The following NUP98 variants were observed in gnomAD, a reference collection of about 807,000 sequenced individuals.
The protein encoded by NUP98 is nucleoporin 98 and 96 precursor.
Under a neutral mutation model 191.9 loss-of-function variants are expected in NUP98, and 26 were observed. That is an observed-to-expected ratio of 0.14 (90% CI 0.10 to 0.19). The LOEUF (loss-of-function observed/expected upper bound fraction) is 0.19, where lower values mean the gene tolerates loss of function less well. Ranked by LOEUF, NUP98 falls within the 10% of genes least tolerant of loss-of-function variation. NUP98 has a pLI of 1.00. For missense variants in NUP98, 1,941 were observed against 2,178.8 expected (o/e 0.89, Z 2.17); for synonymous variants, 808 against 778.4 (o/e 1.04, Z -0.63).
At chr11:3,747,076 G>T (rs1229979333) in intron 11 of NUP98, among the ~76,000 whole-genome samples, 1 of 152,052 alleles carries the variant, frequency 6.6e-6, no homozygotes, top group Non-Finnish European at 1.5e-5. Context: ...AAGAAGTAAT[G>T]GTCCACAATT....
intron 12 of NUP98, among the ~76,000 whole-genome samples, chr11:3,737,321 CAAAAAAAA>C (rs34718372): frequency 8.9e-6 from 1 of 111,968 alleles, no homozygotes; most frequent in Non-Finnish European, 1.8e-5. Context: ...GCAGTAATAA[CAAAAAAAA>C]AAAAAAAAAA....
At chr11:3,695,972 A>G (rs2078491274) in intron 25 of NUP98, among the ~76,000 whole-genome samples, 1 of 152,120 alleles carries the variant, frequency 6.6e-6, no homozygotes, top group South Asian at 2.1e-4. Flanking sequence ...GAGGTGGATT[A>G]CTTGAAGTCA....
intron 13 of NUP98, among the ~76,000 whole-genome samples, chr11:3,733,210 C>A (rs912050347): frequency 6.6e-6 from 1 of 152,146 alleles, no homozygotes; most frequent in Non-Finnish European, 1.5e-5. Flanking sequence ...CTTCCCTTTG[C>A]AACTATGAAG....
chr11:3,794,465 C>T (rs1022887351), intron 1 of NUP98, among the ~76,000 whole-genome samples: 6 of 152,064 alleles, frequency 3.9e-5, no homozygotes, highest in African/African-American at 9.7e-5. Flanking sequence ...GGGCAATGGG[C>T]GCATGCTGCC....
At chr11:3,679,862 G>C in intron 30 of NUP98, 154 bp from the exon 31 acceptor site, 1 of 714,668 alleles carries the variant, frequency 1.4e-6, no homozygotes, top group Admixed American at 3.0e-5. Context: ...AGATACTGTG[G>C]GTTTCATTTC....
At chr11:3,777,658 T>C (rs975482385) in intron 4 of NUP98, among the ~76,000 whole-genome samples, 1 of 148,584 alleles carries the variant, frequency 6.7e-6, no homozygotes, top group Admixed American at 6.7e-5. Flanking sequence ...ATACATATGG[T>C]GCCAGAAATG....
Position 3,767,203 on chromosome 11 carries a change from C to T in NUP98, c.948+1378G>A, listed in dbSNP as rs181932137. On this transcript the variant is annotated intron_variant, in intron 8 of 32. Transcript: ENST00000324932. Reference sequence around the variant, plus strand: ...GTCTCGAACTCCTGACCTCATGATCCGCCCACCTCAGCCTCCCAAAGTGCT... The same window carrying T: ...GTCTCGAACTCCTGACCTCATGATCTGCCCACCTCAGCCTCCCAAAGTGCT... Among the ~76,000 whole-genome samples, 618 of 150,772 alleles carry T rather than the reference C, an allele frequency of 4.1e-3. 2 individuals are homozygous for T. The highest frequency in any genetic ancestry group is 0.014 in the African/African-American group (579 of 41,068).
chr11:3,770,547 TTGTGTGTG>T (rs34103771), intron 7 of NUP98, among the ~76,000 whole-genome samples: 8 of 146,980 alleles, frequency 5.4e-5, no homozygotes, highest in African/African-American at 1.5e-4. Flanking sequence ...AAATACGTAT[TTGTGTGTG>T]TGTGTGTGTG....
intron 28 of NUP98, among the ~76,000 whole-genome samples, chr11:3,689,335 G>C (rs1335646139): frequency 6.6e-6 from 1 of 152,076 alleles, no homozygotes; most frequent in Non-Finnish European, 1.5e-5. Flanking sequence ...GACCATCTTG[G>C]CTAACACGGT....
At chr11:3,777,255 A>T (rs192925178) in intron 4 of NUP98, among the ~76,000 whole-genome samples, 82 of 151,692 alleles carry the variant, frequency 5.4e-4, no homozygotes, top group Admixed American at 4.5e-3. Context: ...AGCTGAGTTT[A>T]AAAAAAAATT....
chr11:3,693,966 C>T (rs2078407675), intron 26 of NUP98, among the ~76,000 whole-genome samples: 1 of 152,018 alleles, frequency 6.6e-6, no homozygotes, highest in South Asian at 2.1e-4. Context: ...CACTGTGGCT[C>T]ACACCTGTAA....
chr11:3,741,510 A>G (rs939021577), intron 12 of NUP98, among the ~76,000 whole-genome samples: 6 of 152,182 alleles, frequency 3.9e-5, no homozygotes, highest in Admixed American at 3.9e-4. Flanking sequence ...AATCCCAGCT[A>G]TTTATGAGAC....
intron 4 of NUP98, among the ~76,000 whole-genome samples, chr11:3,777,418 C>A (rs927709932): frequency 5.3e-5 from 8 of 151,848 alleles, no homozygotes; most frequent in African/African-American, 1.7e-4. Context: ...GTCAGGAGTT[C>A]GAGACCAGCC....
At chr11:3,727,921 G>T (rs1411767367) in intron 14 of NUP98, among the ~76,000 whole-genome samples, 2 of 152,040 alleles carry the variant, frequency 1.3e-5, no homozygotes, top group African/African-American at 4.8e-5. Flanking sequence ...TACTCGGGAG[G>T]CCAAGTCAGA....
intron 16 of NUP98, among the ~76,000 whole-genome samples, chr11:3,721,735 G>C (rs1335656405): frequency 1.3e-5 from 2 of 151,334 alleles, no homozygotes; most frequent in Non-Finnish European, 2.9e-5. Context: ...AAAGAAGAAA[G>C]AAAGAATAAA....
chr11:3,749,721 C>A (rs1187162646), intron 11 of NUP98, among the ~76,000 whole-genome samples: 2 of 151,878 alleles, frequency 1.3e-5, no homozygotes, highest in African/African-American at 4.8e-5. Context: ...GAACAGAGAA[C>A]TGACTTAAAT....
At chr11:3,691,246 T>C in intron 28 of NUP98, 101 bp downstream of exon 28, 1 of 1,289,246 alleles carries the variant, frequency 7.8e-7, no homozygotes, top group South Asian at 1.3e-5. Flanking sequence ...TATATGGACT[T>C]ACAGCAATCT....
At chr11:3,787,994 AAAAAT>A (rs1242683066) in intron 1 of NUP98, among the ~76,000 whole-genome samples, 1 of 152,092 alleles carries the variant, frequency 6.6e-6, no homozygotes, top group African/African-American at 2.4e-5. Context: ...CCATCTCAAA[AAAAAT>A]AAAACACTTT....
intron 20 of NUP98, chr11:3,711,810 T>G (rs1325321702): frequency 4.9e-6 from 5 of 1,013,744 alleles, no homozygotes; most frequent in African/African-American, 1.7e-5. Context: ...CGCGCAAACA[T>G]GTATATACAC....
Sources: gnomAD v4.1 joint callset for allele counts (sites outside exome capture counted in the v4.1 genomes callset) on GRCh38, gnomAD v4.1.1 for gene constraint, MANE v1.5 for transcripts, NCBI Gene and HGNC (gene_info 2026-07-23, HGNC 2026-07-21) for gene names.